Variants in METTL21A observed in about 807,000 individuals in gnomAD.
The protein encoded by METTL21A is protein N-lysine methyltransferase METTL21A.
METTL21A carries 22 observed loss-of-function variants against 20.9 expected under a neutral mutation model. The observed-to-expected ratio is 1.05, with a 90% CI of 0.75 to 1.50. The LOEUF (loss-of-function observed/expected upper bound fraction) is 1.50, where lower values mean the gene tolerates loss of function less well. Ranked by LOEUF, METTL21A falls within the 40% of genes most tolerant of loss-of-function variation. The pLI is 0.00. For missense variants in METTL21A, 271 were observed against 266.8 expected (o/e 1.02, Z -0.11); for synonymous variants, 93 against 102.0 (o/e 0.91, Z 0.53).
exon 4 of METTL21A, chr2:207,581,740 G>C: frequency 1.5e-6 from 1 of 651,658 alleles, no homozygotes; most frequent in Non-Finnish European, 2.7e-6. Context: ...AAGTACATTG[G>C]TATAATACCA....
chr2:207,605,243 A>G (rs1160394141), downstream of METTL21A, among the ~76,000 whole-genome samples: 1 of 152,158 alleles, frequency 6.6e-6, no homozygotes, highest in Non-Finnish European at 1.5e-5. Flanking sequence ...TTGCCATTTT[A>G]AAAATTATAG....
At chr2:207,619,015 G>T (rs1198763193) in intron 3 of METTL21A, among the ~76,000 whole-genome samples, 1 of 152,094 alleles carries the variant, frequency 6.6e-6, no homozygotes, top group African/African-American at 2.4e-5. Context: ...CACTGGAAGG[G>T]CGCTATAAGT....
At chr2:207,624,157 TA>T (rs1318341745) in intron 2 of METTL21A, 71 bp downstream of exon 2, 81 of 1,475,632 alleles carry the variant, frequency 5.5e-5, no homozygotes, top group East Asian at 9.3e-5. Context: ...AAAGCTGTTC[TA>T]AAAAAAATAA....
intron 3 of METTL21A, among the ~76,000 whole-genome samples, chr2:207,594,991 CT>C (rs751274446): frequency 0.01 from 1,218 of 118,836 alleles, 10 homozygotes; most frequent in African/African-American, 0.019. Flanking sequence ...TGTTGAGCAT[CT>C]TTTTTTTTTT....
chr2:207,586,344 T>A (rs1361034853), intron 3 of METTL21A, among the ~76,000 whole-genome samples: 1 of 152,156 alleles, frequency 6.6e-6, no homozygotes, highest in Non-Finnish European at 1.5e-5. Flanking sequence ...CAATCAATGG[T>A]ATTGGGAAAC....
chr2:207,620,818 G>T, intron 3 of METTL21A: 1 of 844,644 alleles, frequency 1.2e-6, no homozygotes. Flanking sequence ...TAGTGAAAAA[G>T]TATTGGGTTT....
At chr2:207,616,117 G>A (rs897692725) in intron 3 of METTL21A, among the ~76,000 whole-genome samples, 5 of 151,482 alleles carry the variant, frequency 3.3e-5, no homozygotes, top group African/African-American at 9.7e-5. Flanking sequence ...TTTGTCATGT[G>A]AGCAATGAGC....
At chr2:207,607,167 T>C, downstream of METTL21A, among the ~76,000 whole-genome samples, 1 of 152,080 alleles carries the variant, frequency 6.6e-6, no homozygotes, top group East Asian at 1.9e-4. Flanking sequence ...GGCAGGTCGA[T>C]CACGAGGTCA....
downstream of METTL21A, chr2:207,612,180 A>G (rs1298691216): frequency 7.6e-6 from 1 of 131,920 alleles, no homozygotes; most frequent in East Asian, 2.3e-4. Context: ...GCTCACTGCA[A>G]CCTCTGCCTC....
exon 1 of METTL21A, chr2:207,625,267 C>G (rs2090995643): frequency 6.6e-6 from 1 of 152,146 alleles, no homozygotes; most frequent in Non-Finnish European, 1.5e-5. Flanking sequence ...GTACTTACGG[C>G]CCGGGAGGCG....
intron 3 of METTL21A, among the ~76,000 whole-genome samples, chr2:207,617,847 CG>C (rs1430619687): frequency 1.3e-5 from 2 of 151,946 alleles, no homozygotes; most frequent in African/African-American, 2.4e-5. Flanking sequence ...AGTTAAAAGA[CG>C]GAATCAGTGG....
chr2:207,614,823 C>A (rs1308249594), intron 3 of METTL21A, among the ~76,000 whole-genome samples: 1 of 152,210 alleles, frequency 6.6e-6, no homozygotes, highest in East Asian at 1.9e-4. Context: ...GTACTCTTTA[C>A]TTCTGACCCC....
chr2:207,589,546 CAT>C (rs1435051495), intron 3 of METTL21A, among the ~76,000 whole-genome samples: 1 of 152,216 alleles, frequency 6.6e-6, no homozygotes, highest in Non-Finnish European at 1.5e-5. Context: ...GAGATTAGTA[CAT>C]GGACACCTTT....
At chr2:207,621,779 A>G in intron 3 of METTL21A, 27 bp downstream of exon 3, 1 of 1,581,794 alleles carries the variant, frequency 6.3e-7, no homozygotes, top group Non-Finnish European at 8.7e-7. Flanking sequence ...AGTTCTGCTC[A>G]CTAAGGAGTC....
intron 3 of METTL21A, chr2:207,603,011 A>G (rs1166980138): frequency 4.7e-6 from 1 of 214,114 alleles, no homozygotes; most frequent in Non-Finnish European, 9.4e-6. Context: ...GGGTTGGGGT[A>G]AAGAAGACTT....
intron 3 of METTL21A, 122 bp downstream of exon 3, chr2:207,621,684 A>C: frequency 1.2e-6 from 1 of 821,326 alleles, no homozygotes; most frequent in Non-Finnish European, 2.0e-6. Context: ...ACAACTCATA[A>C]GTATAAGCAA....
chr2:207,581,793 C>T (rs1186475200), exon 4 of METTL21A: 1 of 692,678 alleles, frequency 1.4e-6, no homozygotes, highest in East Asian at 2.7e-5. Flanking sequence ...TTTTTACTTA[C>T]ATAATCCAGT....
intron 3 of METTL21A, chr2:207,601,164 A>G (rs2086986240): frequency 2.2e-5 from 4 of 185,448 alleles, no homozygotes; most frequent in East Asian, 1.8e-4. Context: ...AGCTGTTGGT[A>G]TATTTTTTCC....
chr2:207,595,263 G>A (rs1215952523), intron 3 of METTL21A, among the ~76,000 whole-genome samples: 3 of 151,784 alleles, frequency 2.0e-5, no homozygotes, highest in African/African-American at 7.3e-5. Flanking sequence ...CAAAGTGCTG[G>A]GATTACAGGC....
Sources: gnomAD v4.1 joint callset for allele counts (sites outside exome capture counted in the v4.1 genomes callset) on GRCh38, gnomAD v4.1.1 for gene constraint, MANE v1.5 for transcripts, NCBI Gene and HGNC (gene_info 2026-07-23, HGNC 2026-07-21) for gene names.